Variants in SPTLC1 observed in about 807,000 individuals in gnomAD.
SPTLC1 encodes serine palmitoyltransferase 1.
SPTLC1 carries 55 observed loss-of-function variants against 68.9 expected under a neutral mutation model. That is an observed-to-expected ratio of 0.80 (90% confidence interval 0.64 to 1.00). The LOEUF (loss-of-function observed/expected upper bound fraction) is 1.00, where lower values mean the gene tolerates loss of function less well. Among genes scored for constraint, SPTLC1 ranks in the 50% least tolerant of loss-of-function variants. The pLI, the probability that SPTLC1 is intolerant of heterozygous loss-of-function variation, is 0.00. For missense variants in SPTLC1, 449 were observed against 573.1 expected, an observed-to-expected ratio of 0.78 and a Z score of 2.21; for synonymous variants, 197 against 201.6, an observed-to-expected ratio of 0.98 and a Z score of 0.19.
At chr9:92,077,783 T>C (rs545354368) in intron 5 of SPTLC1, among the ~76,000 whole-genome samples, 59 of 152,322 alleles carry the variant, frequency 3.9e-4, no homozygotes, top group African/African-American at 1.3e-3. Context: ...ACCCTCAAGC[T>C]GCCACCCTTA....
At chr9:92,103,704 G>A (rs117470035) in intron 3 of SPTLC1, among the ~76,000 whole-genome samples, 7,633 of 152,314 alleles carry the variant, frequency 0.05, 258 homozygotes, top group Middle Eastern at 0.065. Flanking sequence ...TGGAGAAGGC[G>A]GGCCTTGCTC....
rs189582528 is a variant in SPTLC1, at chr9:92,032,341, T to C, written c.*124A>G. The C allele has an allele frequency of 6.9e-3, 10,796 of 1,563,130 alleles. 42 individuals are homozygous for C. The highest frequency in any genetic ancestry group is 8.1e-3 in the Non-Finnish European group (9,327 of 1,157,646). ...CACAATTGGTCCATACTGACACCAT[T>C]TGGTAACAATCCTATCAAAGATCCA... On this transcript the variant is annotated 3_prime_UTR_variant, in exon 15 of 15. Coordinates refer to ENST00000262554, the MANE Select transcript of SPTLC1 (RefSeq NM_006415.4).
intron 3 of SPTLC1, among the ~76,000 whole-genome samples, chr9:92,099,504 G>T (rs1473429397): frequency 2.5e-4 from 37 of 150,110 alleles, no homozygotes; most frequent in African/African-American, 8.1e-4. Flanking sequence ...TTTTAAGACA[G>T]GGTCTGGCTC....
intron 5 of SPTLC1, among the ~76,000 whole-genome samples, chr9:92,069,133 T>C (rs1161571356): frequency 6.6e-6 from 1 of 152,122 alleles, no homozygotes; most frequent in African/African-American, 2.4e-5. Context: ...CCGTGATGTG[T>C]CTACTGATGA....
chr9:92,073,023 C>T (rs1398258783), intron 5 of SPTLC1, among the ~76,000 whole-genome samples: 1 of 152,006 alleles, frequency 6.6e-6, no homozygotes, highest in African/African-American at 2.4e-5. Flanking sequence ...CAAGCCACCC[C>T]TTTACGTCCC....
intron 6 of SPTLC1, among the ~76,000 whole-genome samples, chr9:92,061,194 C>CA (rs1418916829): frequency 6.6e-6 from 1 of 152,006 alleles, no homozygotes; most frequent in Non-Finnish European, 1.5e-5. Context: ...AAATAGTTGC[C>CA]AAGGCACATC....
At chr9:92,041,788 C>A (rs1411181863) in intron 12 of SPTLC1, among the ~76,000 whole-genome samples, 1 of 152,054 alleles carries the variant, frequency 6.6e-6, no homozygotes, top group African/African-American at 2.4e-5. Context: ...ACGGTTTTCT[C>A]AAGAATGCAA....
At chr9:92,077,002 T>C (rs1481130388) in intron 5 of SPTLC1, 2 of 152,324 alleles carry the variant, frequency 1.3e-5, no homozygotes, top group East Asian at 3.9e-4. Flanking sequence ...CGGTATTCAA[T>C]GGAATCTTCA....
At chr9:92,051,071 T>G in intron 8 of SPTLC1, 1 of 985,252 alleles carries the variant, frequency 1.0e-6, no homozygotes, top group Non-Finnish European at 1.2e-6. Context: ...CCCTATAATA[T>G]ACGTCCTAGT....
intron 3 of SPTLC1, chr9:92,104,660 G>C: frequency 6.6e-7 from 1 of 1,520,228 alleles, no homozygotes; most frequent in Non-Finnish European, 8.8e-7. Context: ...GGTGAGGGCA[G>C]AAGAGCCCAA....
intron 3 of SPTLC1, among the ~76,000 whole-genome samples, chr9:92,093,561 A>T (rs73512378): frequency 0.11 from 16,405 of 152,228 alleles, 1,913 homozygotes; most frequent in African/African-American, 0.3. Context: ...TCAACAAACC[A>T]TTGGAATTAA....
Position 92,087,572 on chromosome 9 carries a change from G to A in SPTLC1, c.261-6609C>T, listed in dbSNP as rs181623232. ...GCAGAACAGCGGATTTTCGTGAACC[G>A]GGAATGCTGCTGTCTGATCGTTCCT... On this transcript the variant is annotated intron_variant, in intron 3 of 14. Transcript: ENST00000262554. Among the ~76,000 whole-genome samples, 9 of 152,294 alleles carry A rather than the reference G, an allele frequency of 5.9e-5. No individual in the cohort carries two copies. In the East Asian group the frequency reaches 7.8e-4, roughly 13 times the overall value.
At chr9:92,087,914 C>T (rs1302166160) in intron 3 of SPTLC1, among the ~76,000 whole-genome samples, 9 of 152,312 alleles carry the variant, frequency 5.9e-5, no homozygotes, top group East Asian at 1.9e-4. Flanking sequence ...TCGAGCTTCC[C>T]GGCTGCTTTG....
At chr9:92,062,679 G>A (rs1834146881) in intron 6 of SPTLC1, among the ~76,000 whole-genome samples, 1 of 152,148 alleles carries the variant, frequency 6.6e-6, no homozygotes, top group African/African-American at 2.4e-5. Flanking sequence ...TAGGTCAAAG[G>A]GAAAGTGTAA....
chr9:92,113,519 C>G (rs553529213), intron 1 of SPTLC1, among the ~76,000 whole-genome samples: 1 of 152,308 alleles, frequency 6.6e-6, no homozygotes, highest in Admixed American at 6.5e-5. Context: ...CACTGTTGGA[C>G]AGTTTCGGGG....
intron 12 of SPTLC1, among the ~76,000 whole-genome samples, chr9:92,039,479 C>CG (rs1224892274): frequency 4.6e-5 from 7 of 152,084 alleles, no homozygotes; most frequent in Non-Finnish European, 8.8e-5. Context: ...GGCTGCAGTG[C>CG]AGTGGCACGA....
chr9:92,105,319 A>G (rs1835918100), intron 3 of SPTLC1: 2 of 1,528,990 alleles, frequency 1.3e-6, no homozygotes, highest in Non-Finnish European at 1.8e-6. Context: ...AAAGAGAAGG[A>G]CGCCTCCAGC....
chr9:92,033,723 T>G (rs10820933), intron 14 of SPTLC1, among the ~76,000 whole-genome samples: 25,315 of 152,060 alleles, frequency 0.17, 2,435 homozygotes, highest in Non-Finnish European at 0.21. Flanking sequence ...GCCTGGCTAA[T>G]TTTTACAGAG....
intron 6 of SPTLC1, among the ~76,000 whole-genome samples, chr9:92,061,794 TA>T (rs1834113123): frequency 6.6e-6 from 1 of 152,156 alleles, no homozygotes; most frequent in Admixed American, 6.5e-5. Context: ...AGTAGTCTAT[TA>T]TAATATATGT....
Sources: allele counts gnomAD v4.1 joint callset (sites outside exome capture counted in the v4.1 genomes callset), GRCh38; gene constraint gnomAD v4.1.1; transcripts MANE v1.5; gene names NCBI Gene and HGNC (gene_info 2026-07-23, HGNC 2026-07-21).